The following NAMPT variants were observed in gnomAD, a reference collection of about 807,000 sequenced individuals.
NAMPT encodes nicotinamide phosphoribosyltransferase.
NAMPT carries 7 observed loss-of-function variants against 58.7 expected under a neutral mutation model. That is an observed-to-expected ratio of 0.12 (90% CI 0.07 to 0.22). The LOEUF is 0.22. Ranked by LOEUF, NAMPT falls within the 10% of genes least tolerant of loss-of-function variation. The pLI is 1.00. For synonymous variants in NAMPT, 145 were observed against 198.1 expected, an observed-to-expected ratio of 0.73 and a Z score of 2.25; for missense variants, 271 against 567.9, an observed-to-expected ratio of 0.48 and a Z score of 5.31.
At chr7:106,280,830 A>C (rs938392751) in intron 1 of NAMPT, among the ~76,000 whole-genome samples, 3 of 151,734 alleles carry the variant, frequency 2.0e-5, no homozygotes, top group Non-Finnish European at 2.9e-5. Context: ...AGTCCCAGCT[A>C]CTCAGGAGAC....
At chr7:106,282,649 G>C (rs1184482321) in intron 1 of NAMPT, among the ~76,000 whole-genome samples, 1 of 152,198 alleles carries the variant, frequency 6.6e-6, no homozygotes, top group Non-Finnish European at 1.5e-5. Context: ...GGACTCTCTT[G>C]ACAGGATACA....
chr7:106,264,066 A>G (rs1451262635), intron 6 of NAMPT, among the ~76,000 whole-genome samples: 1 of 152,102 alleles, frequency 6.6e-6, no homozygotes, highest in Non-Finnish European at 1.5e-5. Flanking sequence ...CTATATACCA[A>G]TAATAGTACA....
intron 1 of NAMPT, 122 bp from the exon 2 acceptor site, chr7:106,277,301 T>G: frequency 2.5e-6 from 2 of 797,916 alleles, no homozygotes; most frequent in East Asian, 5.2e-5. Context: ...TATTAACCAG[T>G]TTCTTTTCCT....
intron 7 of NAMPT, among the ~76,000 whole-genome samples, chr7:106,261,964 C>G (rs942241004): frequency 6.6e-6 from 1 of 151,850 alleles, no homozygotes; most frequent in Admixed American, 6.6e-5. Context: ...AGTTTTTCCC[C>G]TTAGACCTTT....
chr7:106,272,413 G>C, intron 4 of NAMPT, 117 bp downstream of exon 4: 1 of 882,846 alleles, frequency 1.1e-6, no homozygotes, highest in Non-Finnish European at 1.6e-6. Flanking sequence ...AGCCTGGAAA[G>C]GTTAAGTAAA....
In NAMPT at chr7:106,284,950, A is replaced by C. The variant is rs1792842665; in HGVS notation, c.-66T>G. The C allele has an allele frequency of 9.7e-6, 15 of 1,545,516 alleles. No homozygotes were observed. The highest frequency in any genetic ancestry group is 1.7e-4 in the Middle Eastern group (1 of 5,770). ...GGCGCGGCTGCGAGGAAGGAGAAAA[A>C]TGAGCTTCACCGCGCTCCGTTGCTT... On this transcript the variant is annotated 5_prime_UTR_variant, in exon 1 of 11. Coordinates refer to ENST00000222553, the MANE Select transcript of NAMPT (RefSeq NM_005746.3).
chr7:106,276,569 G>A (rs1259090504), intron 2 of NAMPT: 2 of 155,470 alleles, frequency 1.3e-5, no homozygotes, highest in East Asian at 3.8e-4. Context: ...TCGGCCAGGA[G>A]TGGTGGCTCA....
chr7:106,264,135 C>T (rs1792365052), intron 6 of NAMPT, among the ~76,000 whole-genome samples: 1 of 151,974 alleles, frequency 6.6e-6, no homozygotes, highest in African/African-American at 2.4e-5. Flanking sequence ...ATTATTTATA[C>T]TATACCATAC....
At chr7:106,275,123 A>C (rs1445030046) in intron 2 of NAMPT, 74 bp from the exon 3 acceptor site, 4 of 912,142 alleles carry the variant, frequency 4.4e-6, no homozygotes, top group African/African-American at 1.7e-5. Context: ...CACAGACTTA[A>C]TATCTTTGGC....
intron 1 of NAMPT, among the ~76,000 whole-genome samples, chr7:106,282,493 G>A (rs1040348757): frequency 6.6e-5 from 10 of 152,248 alleles, no homozygotes; most frequent in African/African-American, 2.4e-4. Flanking sequence ...CGGTTTAAAC[G>A]GTGTCCTTAC....
intron 8 of NAMPT, among the ~76,000 whole-genome samples, chr7:106,261,228 T>G (rs1385110597): frequency 6.6e-6 from 1 of 152,124 alleles, no homozygotes; most frequent in Non-Finnish European, 1.5e-5. Context: ...ATATTATGAG[T>G]TTTACAGATT....
chr7:106,252,865 A>AT (rs1792127913), intron 10 of NAMPT, 152 bp downstream of exon 10: 3 of 905,102 alleles, frequency 3.3e-6, no homozygotes, highest in Middle Eastern at 3.6e-4. Flanking sequence ...TTTGTATCTT[A>AT]TTTTGGTAGG....
At position 106,272,671 on chromosome 7, in the gene NAMPT, A is replaced by T; in HGVS notation, c.319-13T>A. ...GCCCATCATACTTCTGGCAGGATAA[A>T]ATGATAAATTTATTTATTCAACAGA... On this transcript the variant is annotated splice_polypyrimidine_tract_variant and intron_variant, in intron 3 of 10. Coordinates refer to ENST00000222553, the MANE Select transcript of NAMPT (RefSeq NM_005746.3). 1 of 1,612,134 alleles carries T rather than the reference A, an allele frequency of 6.2e-7. No individual in the cohort carries two copies. The highest frequency in any genetic ancestry group is 8.5e-7 in the Non-Finnish European group (1 of 1,178,788).
chr7:106,279,749 AGAAG>A (rs1248137993), intron 1 of NAMPT, among the ~76,000 whole-genome samples: 1 of 152,224 alleles, frequency 6.6e-6, no homozygotes, highest in Non-Finnish European at 1.5e-5. Context: ...TAAGGGCTGA[AGAAG>A]GAAGAAAAAA....
intron 9 of NAMPT, 94 bp from the exon 10 acceptor site, chr7:106,253,245 AT>A: frequency 1.4e-6 from 2 of 1,403,680 alleles, no homozygotes; most frequent in African/African-American, 1.5e-5. Context: ...CATAATTTAC[AT>A]TTAAGTTTTA....
intron 7 of NAMPT, among the ~76,000 whole-genome samples, chr7:106,262,367 C>A (rs574618199): frequency 1.3e-5 from 2 of 152,004 alleles, no homozygotes; most frequent in African/African-American, 4.8e-5. Flanking sequence ...ACAATCATTT[C>A]TTTTTCCTAA....
At chr7:106,277,600 A>G (rs1792674469) in intron 1 of NAMPT, among the ~76,000 whole-genome samples, 1 of 152,218 alleles carries the variant, frequency 6.6e-6, no homozygotes, top group African/African-American at 2.4e-5. Flanking sequence ...ATGACTTAAC[A>G]TGACTACTTT....
chr7:106,284,299 C>G (rs1278679330), intron 1 of NAMPT: 12 of 151,882 alleles, frequency 7.9e-5, no homozygotes, highest in African/African-American at 2.7e-4. Flanking sequence ...CGCGGCTGCT[C>G]CGGCGCCCGC....
intron 8 of NAMPT, among the ~76,000 whole-genome samples, chr7:106,259,149 G>A (rs1262140900): frequency 2.0e-5 from 3 of 152,202 alleles, no homozygotes; most frequent in Non-Finnish European, 4.4e-5. Context: ...CCCATATGAA[G>A]CAAATCCTCA....
Sources: gnomAD v4.1 joint callset for allele counts (sites outside exome capture counted in the v4.1 genomes callset) on GRCh38, gnomAD v4.1.1 for gene constraint, MANE v1.5 for transcripts, NCBI Gene and HGNC (gene_info 2026-07-23, HGNC 2026-07-21) for gene names.